Variants in XPR1 observed in about 807,000 individuals in gnomAD.
XPR1 encodes solute carrier family 53 member 1.
XPR1 carries 28 observed loss-of-function variants against 87.5 expected under a neutral mutation model. The observed-to-expected ratio is 0.32, with a 90% confidence interval of 0.24 to 0.44. XPR1 has a LOEUF of 0.44. Among genes scored for constraint, XPR1 ranks in the 20% least tolerant of loss-of-function variants. The pLI, the probability that XPR1 is intolerant of heterozygous loss-of-function variation, is 1.00. For synonymous variants in XPR1, 300 were observed against 306.1 expected (o/e 0.98, Z 0.21); for missense variants, 559 against 862.3 (o/e 0.65, Z 4.41).
rs1384691545 is a variant in XPR1 at position 180,824,895 on chromosome 1, C to G, written c.906C>G (p.Ile302Met). ...WRQAGVNHVL[I>M]FELNPRSNLS... ...AGGCTGGAGTAAACCATGTACTCAT[C>G]TTTGAACTTAATCCGAGAAGCAATT... The change falls in exon 8 of 15, where the codon ATC becomes ATG. Residue 302 changes from isoleucine (I) to methionine (M), a missense_variant. Coordinates refer to ENST00000367590, the MANE Select transcript of XPR1 (RefSeq NM_004736.4). 6 of 1,613,916 alleles carry G rather than the reference C, an allele frequency of 3.7e-6. No individual in the cohort carries two copies. In the Admixed American group the frequency reaches 5.0e-5, roughly 13 times the overall value.
intron 12 of XPR1, among the ~76,000 whole-genome samples, chr1:180,865,387 T>A (rs978317849): frequency 3.9e-5 from 6 of 151,910 alleles, no homozygotes; most frequent in Non-Finnish European, 5.9e-5. Context: ...CTCTGAGAGC[T>A]ATAAAACATT....
At chr1:180,715,257 G>T (rs1393221371) in intron 2 of XPR1, among the ~76,000 whole-genome samples, 1 of 152,146 alleles carries the variant, frequency 6.6e-6, no homozygotes, top group Non-Finnish European at 1.5e-5. Context: ...TACTGAATAG[G>T]CTACCTCAGG....
intron 9 of XPR1, among the ~76,000 whole-genome samples, chr1:180,832,725 C>T (rs912214644): frequency 6.6e-6 from 1 of 151,942 alleles, no homozygotes; most frequent in African/African-American, 2.4e-5. Context: ...TTTCTGAGGC[C>T]TCTGTTCTGT....
At chr1:180,836,803 T>G in intron 11 of XPR1, 87 bp downstream of exon 11, 1 of 1,465,390 alleles carries the variant, frequency 6.8e-7, no homozygotes, top group South Asian at 1.2e-5. Context: ...ACTTTTCCAT[T>G]TGTCATGCTC....
At chr1:180,728,297 TGGG>T (rs55806284) in intron 2 of XPR1, among the ~76,000 whole-genome samples, 13 of 94,432 alleles carry the variant, frequency 1.4e-4, no homozygotes, top group African/African-American at 5.5e-4. Context: ...TGTTTATAAC[TGGG>T]GGGGGGGGTA....
chr1:180,816,490 A>G (rs1334905618), intron 7 of XPR1, among the ~76,000 whole-genome samples: 1 of 152,170 alleles, frequency 6.6e-6, no homozygotes, highest in Non-Finnish European at 1.5e-5. Flanking sequence ...TTCTAATAGA[A>G]ATGCTTACAT....
rs527398590 is a variant in XPR1 at position 180,640,069 on chromosome 1, A to G, written c.69+7799A>G. On this transcript the variant is annotated intron_variant, in intron 1 of 14. Coordinates refer to ENST00000367590, the MANE Select transcript of XPR1 (RefSeq NM_004736.4). ...CAGCTGTTTTACATATGTTATCTCA[A>G]TGTTCACAGTAGTTTTGTAAGATAG... 1.2e-4 allele frequency among the ~76,000 whole-genome samples: 18 copies of G among 152,324 alleles called. 1 individual carries two copies. Among genetic ancestry groups the G allele is most frequent in the African/African-American group, 3.1e-4 (13 of 41,578 alleles).
chr1:180,732,198 A>G (rs1187146722), intron 2 of XPR1, among the ~76,000 whole-genome samples: 1 of 151,630 alleles, frequency 6.6e-6, no homozygotes, highest in Non-Finnish European at 1.5e-5. Context: ...ATCTCAAAAA[A>G]AAAAAAAAAA....
chr1:180,682,116 T>C (rs1191755950), intron 1 of XPR1, among the ~76,000 whole-genome samples: 1 of 152,220 alleles, frequency 6.6e-6, no homozygotes, highest in Non-Finnish European at 1.5e-5. Context: ...TTTTTCATCC[T>C]TTTCCAGCTG....
At chr1:180,847,020 C>T (rs1651709227) in intron 11 of XPR1, among the ~76,000 whole-genome samples, 1 of 152,118 alleles carries the variant, frequency 6.6e-6, no homozygotes. Context: ...TACCCCAGAA[C>T]ATCTTTCTTT....
rs539287670 is a variant in XPR1, at chr1:180,688,143, T to C, written c.121+5732T>C. Among the ~76,000 whole-genome samples the C allele has an allele frequency of 2.1e-3, 317 of 150,396 alleles. 1 individual carries two copies. The highest frequency in any genetic ancestry group is 3.7e-3 in the Admixed American group (56 of 15,064). ...TCGGCTCGCTGCAACTTCCGCCTCC[T>C]GGGGGTTCAAGTGATTCTCCTGCCT... On this transcript the variant is annotated intron_variant, in intron 2 of 14. Coordinates refer to ENST00000367590, the MANE Select transcript of XPR1 (RefSeq NM_004736.4).
At chr1:180,864,015 G>A (rs561136114) in intron 12 of XPR1, 141 bp downstream of exon 12, 5 of 636,408 alleles carry the variant, frequency 7.9e-6, no homozygotes, top group Admixed American at 8.2e-5. Context: ...TAATTCATTC[G>A]GTCAGCAAAA....
At chr1:180,635,516 T>C (rs1421732422) in intron 1 of XPR1, among the ~76,000 whole-genome samples, 1 of 152,210 alleles carries the variant, frequency 6.6e-6, no homozygotes, top group Non-Finnish European at 1.5e-5. Flanking sequence ...CTTGTGTTTC[T>C]TTGGTTTCTC....
Position 180,763,806 on chromosome 1 carries a change from G to A in XPR1, c.122-23947G>A, listed in dbSNP as rs549268576. Among the ~76,000 whole-genome samples the A allele has an allele frequency of 2.0e-4, 30 of 152,332 alleles. No individual in the cohort carries two copies. In the South Asian group the frequency reaches 6.2e-3, roughly 32 times the overall value. ...AGGAAACACTTTAAAAAGCCATCCA[G>A]CAGATGTGTCCTTATCCCTAGAGGA... On this transcript the variant is annotated intron_variant, in intron 2 of 14. Transcript: ENST00000367590.
rs572198535 is a variant in XPR1, at chr1:180,831,643, G to A, written c.1135-3231G>A. Among the ~76,000 whole-genome samples the A allele has an allele frequency of 1.7e-4, 25 of 149,990 alleles. No individual in the cohort carries two copies. The East Asian group carries it at 2.0e-3, about 12-fold the overall frequency. On this transcript the variant is annotated intron_variant, in intron 9 of 14. Coordinates refer to ENST00000367590, the MANE Select transcript of XPR1 (RefSeq NM_004736.4). Reference sequence around the variant, plus strand: ...CTCCCACTTATGAGTGAGAACATGCGGTGTTTGGTTTTGTGTTTGTGTGTT... The same window carrying A: ...CTCCCACTTATGAGTGAGAACATGCAGTGTTTGGTTTTGTGTTTGTGTGTT...
In XPR1 at chr1:180,834,888, A is replaced by G. The variant is rs746376162; in HGVS notation, c.1149A>G (p.Thr383=). The change falls in exon 10 of 15, where the codon ACA becomes ACG. Residue 383 remains threonine, a synonymous_variant. Coordinates refer to ENST00000367590, the MANE Select transcript of XPR1 (RefSeq NM_004736.4). ...WLLKLLFRVF[T]APFHKVGFAD... is the part of the protein sequence containing the mutation. The stretch of plus-strand genomic sequence containing the variant: ...TTTTCTTTCAGTTTCGAGTATTTAC[A>G]GCCCCCTTCCATAAGGTAGGCTTTG... 4 of 1,610,048 alleles carry G rather than the reference A, an allele frequency of 2.5e-6. No individual in the cohort carries two copies. The highest frequency in any genetic ancestry group is 3.4e-6 in the Non-Finnish European group (4 of 1,178,676).
intron 2 of XPR1, among the ~76,000 whole-genome samples, chr1:180,698,112 C>T (rs1012801396): frequency 1.4e-4 from 22 of 152,060 alleles, no homozygotes; most frequent in African/African-American, 5.3e-4. Flanking sequence ...TATCTGGGTG[C>T]TCTGGTGTTG....
intron 6 of XPR1, among the ~76,000 whole-genome samples, chr1:180,806,983 A>G (rs1650015355): frequency 6.6e-6 from 1 of 152,220 alleles, no homozygotes; most frequent in African/African-American, 2.4e-5. Context: ...CAATAAATAT[A>G]GAAGGATTTA....
chr1:180,669,600 G>A (rs1363594406), intron 1 of XPR1, among the ~76,000 whole-genome samples: 2 of 152,092 alleles, frequency 1.3e-5, no homozygotes, highest in Admixed American at 6.6e-5. Flanking sequence ...GACCTCAGGT[G>A]ATCTGCCTGG....
Sources: allele counts gnomAD v4.1 joint callset (sites outside exome capture counted in the v4.1 genomes callset), GRCh38; gene constraint gnomAD v4.1.1; transcripts MANE v1.5; gene names NCBI Gene and HGNC (gene_info 2026-07-23, HGNC 2026-07-21).